The following TRABD2B variants were observed in gnomAD, a reference collection of about 807,000 sequenced individuals.
TRABD2B encodes metalloprotease TIKI2.
A neutral mutation model predicts 40.1 loss-of-function variants in TRABD2B; 14 were observed. The observed-to-expected ratio is 0.35, with a 90% confidence interval of 0.23 to 0.55. TRABD2B has a LOEUF of 0.55. TRABD2B is among the 20% of genes least tolerant of loss of function. TRABD2B has a pLI of 0.90. For missense variants in TRABD2B, 541 were observed against 648.6 expected, an observed-to-expected ratio of 0.83 and a Z score of 1.80; for synonymous variants, 263 against 277.0, an observed-to-expected ratio of 0.95 and a Z score of 0.50.
In TRABD2B at chr1:47,801,484, C is replaced by T; in HGVS notation, c.802G>A (p.Asp268Asn). 2.0e-6 allele frequency: 3 copies of T among 1,535,928 alleles called. No homozygotes were observed. The highest frequency in any genetic ancestry group is 2.6e-6 in the Non-Finnish European group (3 of 1,146,804). ...GAGAGGAGCCTCACCTGGGATGTGT[C>T]GTGGTTGAAGATGACTGCGCTGAGG... is the stretch of plus-strand genomic sequence containing the variant. ...GDLSAVIFNH[D>N]TSQLPNFINT... is the part of the protein sequence containing the mutation. Residue 268 changes from aspartate (D) to asparagine (N), a missense_variant, in exon 3 of 7, where the codon GAC becomes AAC. Transcript: ENST00000606738.
chr1:47,848,725 C>T (rs1056910496), intron 2 of TRABD2B, among the ~76,000 whole-genome samples: 1 of 152,218 alleles, frequency 6.6e-6, no homozygotes. Context: ...ACCAGACCCC[C>T]AGCCGAACAC....
chr1:47,799,295 G>C (rs1440711630), intron 3 of TRABD2B, among the ~76,000 whole-genome samples: 2 of 152,126 alleles, frequency 1.3e-5, no homozygotes, highest in African/African-American at 4.8e-5. Context: ...GGCTGCTCAG[G>C]ACTCACGGGG....
chr1:47,798,076 G>A (rs530256594), intron 3 of TRABD2B, among the ~76,000 whole-genome samples: 2 of 152,252 alleles, frequency 1.3e-5, no homozygotes, highest in South Asian at 2.1e-4. Flanking sequence ...TGGGCTAGGG[G>A]GCCTGAGAGC....
At chr1:47,914,747 A>G (rs1398957815) in intron 2 of TRABD2B, among the ~76,000 whole-genome samples, 1 of 152,236 alleles carries the variant, frequency 6.6e-6, no homozygotes, top group East Asian at 1.9e-4. Flanking sequence ...AGTCAGCAGA[A>G]TCGGAACCAG....
intron 2 of TRABD2B, chr1:47,819,279 G>T (rs1226643846): frequency 6.6e-6 from 1 of 152,312 alleles, no homozygotes; most frequent in Non-Finnish European, 1.5e-5. Flanking sequence ...CACGGCCCAT[G>T]CCAGTGGAGT....
At chr1:47,974,617 C>T (rs1460807179) in intron 2 of TRABD2B, among the ~76,000 whole-genome samples, 1 of 152,236 alleles carries the variant, frequency 6.6e-6, no homozygotes, top group Non-Finnish European at 1.5e-5. Flanking sequence ...TTCACCACTA[C>T]ATTTTCAGCA....
chr1:47,771,757 CGCTTCGTCT>C (rs1557553515), intron 6 of TRABD2B, among the ~76,000 whole-genome samples: 1 of 152,230 alleles, frequency 6.6e-6, no homozygotes, highest in Non-Finnish European at 1.5e-5. Flanking sequence ...TGTGGACACA[CGCTTCGTCT>C]GCCCTTTCCA....
rs1644277685 is a variant in TRABD2B at position 47,764,440 on chromosome 1, C to T, written c.*1462G>A. ...GGGTCCTCTGTCTCCTCAACCACCA[C>T]CTTGAGGAGCCGAGGGGCTAAAGTC... On this transcript the variant is annotated 3_prime_UTR_variant, in exon 7 of 7. Coordinates refer to ENST00000606738, the MANE Select transcript of TRABD2B (RefSeq NM_001194986.2). 1 of 152,188 alleles carries T rather than the reference C, an allele frequency of 6.6e-6. No homozygotes were observed. The highest frequency in any genetic ancestry group is 1.5e-5 in the Non-Finnish European group (1 of 68,062). The allele number at this position is 152,188 out of a possible 1,614,324, so 9.4% of individuals were successfully genotyped here. A position where few individuals can be genotyped will look rare whatever the true frequency, so the allele number is the denominator to read the frequency against.
At chr1:47,836,139 C>A (rs1034198837) in intron 2 of TRABD2B, among the ~76,000 whole-genome samples, 5 of 152,140 alleles carry the variant, frequency 3.3e-5, no homozygotes, top group Non-Finnish European at 7.3e-5. Flanking sequence ...GGAAAACTAA[C>A]TCAAAATGCA....
At chr1:47,879,164 T>C (rs1378484045) in intron 2 of TRABD2B, among the ~76,000 whole-genome samples, 1 of 151,920 alleles carries the variant, frequency 6.6e-6, no homozygotes, top group Non-Finnish European at 1.5e-5. Flanking sequence ...GTAGGAAGCA[T>C]TACGATAAAA....
intron 2 of TRABD2B, among the ~76,000 whole-genome samples, chr1:47,880,618 G>C (rs912971871): frequency 2.0e-5 from 3 of 152,176 alleles, no homozygotes; most frequent in Admixed American, 2.0e-4. Context: ...GGTGTCATGG[G>C]GAAGCAATGT....
chr1:47,846,356 T>C (rs1645468969), intron 2 of TRABD2B, among the ~76,000 whole-genome samples: 1 of 152,208 alleles, frequency 6.6e-6, no homozygotes, highest in Admixed American at 6.5e-5. Context: ...ATCTGTGAAA[T>C]GAGCTAGACT....
rs944153609 is a variant in TRABD2B at position 47,917,194 on chromosome 1, C to T, written c.666+76840G>A. Among the ~76,000 whole-genome samples the T allele has an allele frequency of 2.0e-5, 3 of 152,266 alleles. No homozygotes were observed. In the South Asian group the frequency reaches 6.2e-4, roughly 32 times the overall value. ...AGGTGAGAAGAGAGAGTTCCACAGGCCCTGGGCAGGCAGTCCAGATAGGCC... is the reference window on the plus strand; with the variant it reads ...AGGTGAGAAGAGAGAGTTCCACAGGTCCTGGGCAGGCAGTCCAGATAGGCC... On this transcript the variant is annotated intron_variant, in intron 2 of 6. Coordinates refer to ENST00000606738, the MANE Select transcript of TRABD2B (RefSeq NM_001194986.2).
intron 2 of TRABD2B, among the ~76,000 whole-genome samples, chr1:47,803,184 T>G (rs935550723): frequency 6.6e-6 from 1 of 152,200 alleles, no homozygotes; most frequent in Non-Finnish European, 1.5e-5. Flanking sequence ...GGCCCCTCAC[T>G]GGGGGTCCCA....
At chr1:47,834,894 A>C (rs933557101) in intron 2 of TRABD2B, among the ~76,000 whole-genome samples, 1 of 152,176 alleles carries the variant, frequency 6.6e-6, no homozygotes, top group Non-Finnish European at 1.5e-5. Flanking sequence ...ACAAGAAACT[A>C]TGAGCCATAA....
intron 3 of TRABD2B, among the ~76,000 whole-genome samples, chr1:47,795,161 C>T (rs917669714): frequency 6.6e-6 from 1 of 152,240 alleles, no homozygotes; most frequent in Non-Finnish European, 1.5e-5. Flanking sequence ...GAGGCCCCTA[C>T]AGTGGGCTAC....
chr1:47,829,330 C>G (rs749915967), intron 2 of TRABD2B, among the ~76,000 whole-genome samples: 2 of 152,084 alleles, frequency 1.3e-5, no homozygotes, highest in African/African-American at 2.4e-5. Context: ...GGGAGAGGGG[C>G]TCAGTTAGGG....
chr1:47,895,249 C>T (rs867058553), intron 2 of TRABD2B, among the ~76,000 whole-genome samples: 5 of 152,276 alleles, frequency 3.3e-5, no homozygotes, highest in Middle Eastern at 3.4e-3. Flanking sequence ...GCAGCCCACT[C>T]GCCCCACCCC....
intron 2 of TRABD2B, among the ~76,000 whole-genome samples, chr1:47,949,041 G>A (rs1326185894): frequency 6.6e-6 from 1 of 152,058 alleles, no homozygotes; most frequent in Non-Finnish European, 1.5e-5. Context: ...ACTAACATAA[G>A]GGCACACGGG....
Sources: gnomAD v4.1 joint callset for allele counts (sites outside exome capture counted in the v4.1 genomes callset) on GRCh38, gnomAD v4.1.1 for gene constraint, MANE v1.5 for transcripts, NCBI Gene and HGNC (gene_info 2026-07-23, HGNC 2026-07-21) for gene names.